The following CHD3 variants were observed in gnomAD, a reference collection of about 807,000 sequenced individuals.
CHD3 encodes the protein chromodomain helicase DNA binding protein 3, also known as ATP-dependent chromatin remodeler CHD3.
Under a neutral mutation model 248.9 loss-of-function variants are expected in CHD3, and 52 were observed. The ratio of observed to expected loss-of-function variants is 0.21; its 90% confidence interval spans 0.17 to 0.26. CHD3 has a LOEUF of 0.26. Ranked by LOEUF, CHD3 falls within the 10% of genes least tolerant of loss-of-function variation. CHD3 has a pLI of 1.00. For synonymous variants in CHD3, 985 were observed against 985.2 expected (o/e 1.00, Z 0.00); for missense variants, 1,482 against 2,605.8 (o/e 0.57, Z 9.39).
At chr17:7,890,064 A>G (rs1007885425) in intron 2 of CHD3, among the ~76,000 whole-genome samples, 1 of 152,218 alleles carries the variant, frequency 6.6e-6, no homozygotes, top group African/African-American at 2.4e-5. Context: ...TGAATTCAAG[A>G]GTCCAGCATT....
rs746005179 is a variant in CHD3 at position 7,904,519 on chromosome 17, T to G, written c.3972T>G (p.His1324Gln). The G allele has an allele frequency of 6.2e-7, 1 of 1,613,946 alleles. No homozygotes were observed. The highest frequency in any genetic ancestry group is 8.5e-7 in the Non-Finnish European group (1 of 1,179,968). ...ACTACTGGGAGAAGCTGCTGAGGCA[T>G]CACTATGAGCAACAGCAGGAAGACC... ...DPDYWEKLLRHHYEQQQEDLA... is the reference protein window; with the variant it reads ...DPDYWEKLLRQHYEQQQEDLA... The change falls in exon 25 of 40, where the codon CAT becomes CAG. Residue 1324 changes from histidine (H) to glutamine (Q), a missense_variant. Physicochemically the swap from His to Gln is conservative, Grantham distance 24 (BLOSUM62 0). Transcript: ENST00000330494. This position sits in a 1 kb window ranked among gnomAD's most constrained non-coding sequence, Gnocchi z 4.4.
rs1567880921 is a variant in CHD3 at position 7,911,708 on chromosome 17, C to T, written c.*123C>T. 1.9e-6 allele frequency: 3 copies of T among 1,562,470 alleles called. No homozygotes were observed. The highest frequency in any genetic ancestry group is 1.9e-5 in the Admixed American group (1 of 52,148). On this transcript the variant is annotated 3_prime_UTR_variant, in exon 40 of 40. Transcript: ENST00000330494. The surrounding 1 kb of genome is among the most constrained non-coding windows in gnomAD (Gnocchi z 5.4). ...CCTTGGGCCATCACTGGGCTAGGAA[C>T]CCCTTTGCCCCTCTCTGCAGCTCCT...
At chr17:7,890,462 A>G (rs554592647) in intron 2 of CHD3, 109 bp from the exon 3 acceptor site, 44 of 781,138 alleles carry the variant, frequency 5.6e-5, no homozygotes, top group Middle Eastern at 7.8e-4. Flanking sequence ...ATTAGTTACT[A>G]TCACAGGATT....
chr17:7,909,019 T>C lies in CHD3; in HGVS notation c.5395-124T>C. ...GTTGCTGCTAGGTTCGCAGTCGGTTTGGAGCTGGGAGTGCCCTGGGCCAGC... is the reference window on the plus strand; with the variant it reads ...GTTGCTGCTAGGTTCGCAGTCGGTTCGGAGCTGGGAGTGCCCTGGGCCAGC... On this transcript the variant is annotated intron_variant, in intron 36 of 39. Coordinates refer to ENST00000330494, the MANE Select transcript of CHD3 (RefSeq NM_001005273.3). The surrounding 1 kb of genome is among the most constrained non-coding windows in gnomAD (Gnocchi z 8.1). 1 of 1,434,202 alleles carries C rather than the reference T, an allele frequency of 7.0e-7. No homozygotes were observed. The highest frequency in any genetic ancestry group is 9.5e-7 in the Non-Finnish European group (1 of 1,057,182). 88.8% of individuals were successfully genotyped at this position (1,434,202 alleles called of 1,614,324 possible). A position where few individuals can be genotyped will look rare whatever the true frequency, so the allele number is the denominator to read the frequency against.
Position 7,899,450 on chromosome 17 carries a change from G to T in CHD3, c.2451G>T (p.Thr817=). 1 of 1,614,126 alleles carries T rather than the reference G, an allele frequency of 6.2e-7. No individual in the cohort carries two copies. The highest frequency in any genetic ancestry group is 8.5e-7 in the Non-Finnish European group (1 of 1,180,018). ...CCAAATTCTATGTGGTGACATACAC[G>T]GGTGACAAGGACAGCCGGGCCATCA... The part of the protein sequence containing the change: ...WAPKFYVVTY[T]GDKDSRAIIR... Residue 817 remains threonine, a synonymous_variant, in exon 15 of 40, where the codon ACG becomes ACT. Transcript: ENST00000330494. The surrounding 1 kb of genome is among the most constrained non-coding windows in gnomAD (Gnocchi z 6.8).
chr17:7,897,167 G>A lies in CHD3; in HGVS notation c.1792G>A (p.Gly598Ser), dbSNP rs747768901. Residue 598 changes from glycine (G) to serine (S), a missense_variant, in exon 11 of 40, where the codon GGC (glycine) becomes AGC (serine). Physicochemically the swap from Gly to Ser is moderately conservative, Grantham distance 56. This residue lies in a region of CHD3 where 127 missense variants were observed against 188.3 expected (regional missense o/e 0.67). Transcript: ENST00000330494. The surrounding 1 kb of genome is among the most constrained non-coding windows in gnomAD (Gnocchi z 4.8). ...GCCCCCACCCCTGGACTATGGCTCC[G>A]GCGAGGATGATGGGAAGAGCGACAA... ...DEPPPLDYGS[G>S]EDDGKSDKRK... The A allele has an allele frequency of 3.1e-6, 5 of 1,614,048 alleles. No homozygotes were observed. The highest frequency in any genetic ancestry group is 1.3e-5 in the African/African-American group (1 of 74,908).
At position 7,907,069 on chromosome 17, in the gene CHD3, G is replaced by A; in HGVS notation, c.4666+38G>A. On this transcript the variant is annotated intron_variant, in intron 30 of 39. Transcript: ENST00000330494. The surrounding 1 kb of genome is among the most constrained non-coding windows in gnomAD (Gnocchi z 4.3). Reference sequence around the variant, plus strand: ...CAGGATGGTGGGAGAGACAGAAAGGGAGCCAGGAGTCAGGGCGGGAGAATC... The same window carrying A: ...CAGGATGGTGGGAGAGACAGAAAGGAAGCCAGGAGTCAGGGCGGGAGAATC... 6.2e-7 allele frequency: 1 copy of A among 1,613,860 alleles called. No homozygotes were observed.
intron 8 of CHD3, 59 bp downstream of exon 8, chr17:7,894,667 T>A: frequency 6.5e-7 from 1 of 1,538,070 alleles, no homozygotes; most frequent in Non-Finnish European, 8.9e-7. Context: ...TCTTTCCCCC[T>A]TGGTTTCACT....
Position 7,911,681 on chromosome 17 carries a change from C to A in CHD3, c.*96C>A. 1.3e-6 allele frequency: 2 copies of A among 1,593,852 alleles called. No homozygotes were observed. Among genetic ancestry groups the A allele is most frequent in the Non-Finnish European group, 1.7e-6 (2 of 1,169,552 alleles). ...TGCTGCCAGCCCTCCACCTTCCCCA[C>A]CCCTTGGGCCATCACTGGGCTAGGA... On this transcript the variant is annotated 3_prime_UTR_variant, in exon 40 of 40. Transcript: ENST00000330494. This position sits in a 1 kb window ranked among gnomAD's most constrained non-coding sequence, Gnocchi z 5.4.
chr17:7,885,049 A>C (rs564008487), upstream of CHD3: 112 of 1,019,372 alleles, frequency 1.1e-4, no homozygotes, highest in Non-Finnish European at 1.3e-4. Flanking sequence ...CGCCGCCGCC[A>C]CCGCTGCCCC....
rs1274980815 is a variant in CHD3 at position 7,902,694 on chromosome 17, G to T, written c.3337G>T (p.Ala1113Ser). 1.9e-6 allele frequency: 3 copies of T among 1,613,924 alleles called. No homozygotes were observed. Among genetic ancestry groups the T allele is most frequent in the Admixed American group, 1.7e-5 (1 of 60,000 alleles). Residue 1113 changes from alanine (A) to serine (S), a missense_variant, in exon 21 of 40, where the codon GCC becomes TCC. Ala to Ser is a moderately conservative substitution (Grantham distance 99). Around this residue, in one of 20 missense-constraint regions of CHD3, gnomAD observed 18 missense variants for 45.2 expected, o/e 0.40. Transcript: ENST00000330494. ...GCGCATCGATGGTGGTATCACGGGT[G>T]CCCTGAGGCAGGAGGCCATCGATCG... is the stretch of plus-strand genomic sequence containing the variant. ...YERIDGGITG[A>S]LRQEAIDRFN...
In CHD3 at chr17:7,897,210, C is replaced by T. The variant is rs767239315; in HGVS notation, c.1835C>T (p.Pro612Leu). The T allele has an allele frequency of 2.5e-6, 4 of 1,614,148 alleles. No homozygotes were observed. The highest frequency in any genetic ancestry group is 3.4e-6 in the Non-Finnish European group (4 of 1,180,020). ...AGCGACAAGCGTAAAGTGAAAGACCCGCACTATGCTGAGATGGAGGAGAAG... is the reference window on the plus strand; with the variant it reads ...AGCGACAAGCGTAAAGTGAAAGACCTGCACTATGCTGAGATGGAGGAGAAG... ...GKSDKRKVKD[P>L]HYAEMEEKYY... The change falls in exon 11 of 40, where the codon CCG becomes CTG. Residue 612 changes from proline (P) to leucine (L), a missense_variant. Coordinates refer to ENST00000330494, the MANE Select transcript of CHD3 (RefSeq NM_001005273.3). The surrounding 1 kb of genome is among the most constrained non-coding windows in gnomAD (Gnocchi z 4.8).
upstream of CHD3, among the ~76,000 whole-genome samples, chr17:7,887,363 T>A (rs1597905577): frequency 6.8e-6 from 1 of 146,678 alleles, no homozygotes; most frequent in Middle Eastern, 3.7e-3. Flanking sequence ...GTCGTGTTGG[T>A]GGGGGAAGGG....
rs1476072310 is a variant in CHD3, at chr17:7,903,084, C to T, written c.3495+23C>T. The T allele has an allele frequency of 6.2e-7, 1 of 1,606,894 alleles. No individual in the cohort carries two copies. ...CAGGTGGGAACTCGCATCCTAGAAC[C>T]CCTGCACCATTTAGCAAGGAGATGT... On this transcript the variant is annotated intron_variant, in intron 22 of 39. Transcript: ENST00000330494. This position sits in a 1 kb window ranked among gnomAD's most constrained non-coding sequence, Gnocchi z 6.8.
Position 7,905,511 on chromosome 17 carries a change from CG to C in CHD3, c.4139-109del. On this transcript the variant is annotated intron_variant, in intron 26 of 39. Coordinates refer to ENST00000330494, the MANE Select transcript of CHD3 (RefSeq NM_001005273.3). The surrounding 1 kb of genome is among the most constrained non-coding windows in gnomAD (Gnocchi z 5.8). ...GGGAGAGAATTGGGAGCACCTCAAA[CG>C]TGACAGGAATGTTCCTGTGTTGTGT... 1 of 829,028 alleles carries C rather than the reference CG, an allele frequency of 1.2e-6. No individual in the cohort carries two copies. Among genetic ancestry groups the C allele is most frequent in the Non-Finnish European group, 1.9e-6 (1 of 531,392 alleles). 51.4% of individuals were successfully genotyped at this position (829,028 alleles called of 1,614,324 possible).
rs1968765458 is a variant in CHD3, at chr17:7,890,955, T to C, written c.400T>C (p.Ser134Pro). The C allele has an allele frequency of 1.9e-6, 3 of 1,613,804 alleles. No individual in the cohort carries two copies. The highest frequency in any genetic ancestry group is 1.7e-6 in the Non-Finnish European group (2 of 1,179,954). The change falls in exon 4 of 40, where the codon TCA (serine) becomes CCA (proline). Residue 134 changes from serine (S) to proline (P), a missense_variant. Around this residue, in one of 20 missense-constraint regions of CHD3, gnomAD observed 169 missense variants for 168.1 expected, o/e 1.01. Transcript: ENST00000330494. ...TCTCCCGCAGCAAGTGGAACAGAAG[T>C]CATCAGCAACTCTGCTTCTGACCTG... ...DGGQKQVEQK[S>P]SATLLLTWGL...
At chr17:7,885,169 C>T, upstream of CHD3, 1 of 980,594 alleles carries the variant, frequency 1.0e-6, no homozygotes, top group Non-Finnish European at 1.2e-6. Flanking sequence ...ACCCACCGCG[C>T]GGCCGAGCCG....
At chr17:7,901,198 A>G in intron 19 of CHD3, 46 bp from the exon 20 acceptor site, 1 of 1,557,072 alleles carries the variant, frequency 6.4e-7, no homozygotes, top group Non-Finnish European at 8.7e-7. Context: ...ATATGGGGGC[A>G]TGTTTCCAAC....
In CHD3 at chr17:7,904,058, C is replaced by G. The variant is rs915583315; in HGVS notation, c.3894+67C>G. On this transcript the variant is annotated intron_variant, in intron 24 of 39. Coordinates refer to ENST00000330494, the MANE Select transcript of CHD3 (RefSeq NM_001005273.3). The surrounding 1 kb of genome is among the most constrained non-coding windows in gnomAD (Gnocchi z 4.4). Reference sequence around the variant, plus strand: ...TCTCCAAAAGGCAGTATCCTTTACTCAGCCTTGAAGTAGGAGGGTCTGTCC... The same window carrying G: ...TCTCCAAAAGGCAGTATCCTTTACTGAGCCTTGAAGTAGGAGGGTCTGTCC... 33 of 1,545,700 alleles carry G rather than the reference C, an allele frequency of 2.1e-5. 2 individuals are homozygous for G. The South Asian group carries it at 3.2e-4, about 15-fold the overall frequency.
Sources: gnomAD v4.1 joint callset for allele counts (sites outside exome capture counted in the v4.1 genomes callset) on GRCh38, gnomAD v4.1.1 for gene constraint, gnomAD v4.1.1 regional missense constraint, Gnocchi (gnomAD v3.1) non-coding constraint, MANE v1.5 for transcripts, NCBI Gene and HGNC (gene_info 2026-07-23, HGNC 2026-07-21) for gene names.